Variants in RARB observed in about 807,000 individuals in gnomAD.
RARB encodes the protein HBV-activated protein.
RARB carries 17 observed loss-of-function variants against 51.9 expected under a neutral mutation model. That is an observed-to-expected ratio of 0.33 (90% confidence interval 0.22 to 0.49). The LOEUF is 0.49. Among genes scored for constraint, RARB ranks in the 20% least tolerant of loss-of-function variants. The pLI is 0.99. For missense variants in RARB, 369 were observed against 550.8 expected, an observed-to-expected ratio of 0.67 and a Z score of 3.30; for synonymous variants, 215 against 195.4, an observed-to-expected ratio of 1.10 and a Z score of -0.84.
At chr3:25,441,794 G>A (rs1708697646) in intron 1 of RARB, among the ~76,000 whole-genome samples, 1 of 151,970 alleles carries the variant, frequency 6.6e-6, no homozygotes, top group African/African-American at 2.4e-5. Context: ...TTGTTTTGTT[G>A]ACTGGGTCTT....
In RARB at chr3:25,300,923, G is replaced by C. The variant is rs544803579; in HGVS notation, c.178+126348G>C. Among the ~76,000 whole-genome samples the C allele has an allele frequency of 3.9e-5, 6 of 152,240 alleles. No individual in the cohort carries two copies. In the South Asian group the frequency reaches 1.2e-3, roughly 32 times the overall value. ...GATGCAGGAGAATTGCTTGAACCTG[G>C]GAAGCAGAGGTTGCAGTGAGCCAAG... is the stretch of plus-strand genomic sequence containing the variant. On this transcript the variant is annotated intron_variant, in intron 5 of 11. Coordinates refer to the RARB transcript ENST00000383772.
At chr3:24,928,116 A>C (rs185068537) in intron 2 of RARB, among the ~76,000 whole-genome samples, 45 of 152,156 alleles carry the variant, frequency 3.0e-4, no homozygotes, top group African/African-American at 1.0e-3. Context: ...AGCAAAATTC[A>C]CATGGTAGAA....
At position 24,889,052 on chromosome 3, in the gene RARB, G is replaced by A. The variant is rs144345686; in HGVS notation, c.-380+30300G>A. ...GAATTTTGCAAATAGAAGATGGGACGTTCTGCTGAGGGCAGGAAGTGAGAG... is the reference window on the plus strand; with the variant it reads ...GAATTTTGCAAATAGAAGATGGGACATTCTGCTGAGGGCAGGAAGTGAGAG... On this transcript the variant is annotated intron_variant, in intron 2 of 11. Coordinates refer to the RARB transcript ENST00000383772. Among the ~76,000 whole-genome samples the A allele has an allele frequency of 8.0e-3, 1,223 of 152,258 alleles. 11 individuals are homozygous for A. Among genetic ancestry groups the A allele is most frequent in the Middle Eastern group, 0.017 (5 of 294 alleles).
At chr3:25,275,953 A>G (rs1192787554) in intron 5 of RARB, among the ~76,000 whole-genome samples, 2 of 152,262 alleles carry the variant, frequency 1.3e-5, no homozygotes, top group African/African-American at 4.8e-5. Flanking sequence ...GTTCAGTTGA[A>G]GGAAATTATC....
intron 5 of RARB, among the ~76,000 whole-genome samples, chr3:25,275,998 G>C (rs958261145): frequency 3.3e-5 from 5 of 152,094 alleles, no homozygotes; most frequent in Non-Finnish European, 7.4e-5. Flanking sequence ...CCAAATACAG[G>C]GTTTACATGA....
chr3:25,282,420 T>A, intron 5 of RARB, among the ~76,000 whole-genome samples: 1 of 152,230 alleles, frequency 6.6e-6, no homozygotes, highest in Non-Finnish European at 1.5e-5. Context: ...TTAAAATTGT[T>A]ACCCACTCTC....
intron 3 of RARB, among the ~76,000 whole-genome samples, chr3:25,061,727 A>G (rs1698554281): frequency 6.6e-6 from 1 of 151,826 alleles, no homozygotes; most frequent in Admixed American, 6.6e-5. Flanking sequence ...TTTTGGAGAG[A>G]AAGGTGTTTT....
At chr3:25,057,327 A>T (rs960087736) in intron 2 of RARB, among the ~76,000 whole-genome samples, 1 of 151,954 alleles carries the variant, frequency 6.6e-6, no homozygotes, top group Non-Finnish European at 1.5e-5. Context: ...GGGACTTGTG[A>T]TTATCTCCAT....
intron 5 of RARB, among the ~76,000 whole-genome samples, chr3:25,587,901 C>G (rs1348431569): frequency 6.6e-6 from 1 of 152,188 alleles, no homozygotes; most frequent in Non-Finnish European, 1.5e-5. Context: ...CTGGGCAACC[C>G]CTTGATGCCT....
intron 2 of RARB, among the ~76,000 whole-genome samples, chr3:25,005,592 C>T (rs1273105353): frequency 6.6e-6 from 1 of 152,114 alleles, no homozygotes; most frequent in African/African-American, 2.4e-5. Flanking sequence ...AGATGGAAGC[C>T]ACAATATTGT....
At chr3:25,277,617 C>T (rs1486468253) in intron 5 of RARB, among the ~76,000 whole-genome samples, 1 of 152,098 alleles carries the variant, frequency 6.6e-6, no homozygotes, top group Non-Finnish European at 1.5e-5. Context: ...GTTGTGTGTC[C>T]TTCCTATATT....
chr3:25,533,978 C>T (rs909410167), intron 3 of RARB, among the ~76,000 whole-genome samples: 1 of 152,194 alleles, frequency 6.6e-6, no homozygotes, highest in Non-Finnish European at 1.5e-5. Context: ...CAGAGTTCTT[C>T]CTCAGAAGCA....
intron 5 of RARB, among the ~76,000 whole-genome samples, chr3:25,417,586 C>A (rs933929433): frequency 6.6e-6 from 1 of 152,198 alleles, no homozygotes; most frequent in African/African-American, 2.4e-5. Context: ...ATGTGCCTTT[C>A]ACCTTCCACC....
intron 4 of RARB, among the ~76,000 whole-genome samples, chr3:25,167,950 T>G (rs938011018): frequency 6.6e-6 from 1 of 152,340 alleles, no homozygotes; most frequent in African/African-American, 2.4e-5. Context: ...CCCATTAATC[T>G]GACATTTGGG....
intron 3 of RARB, among the ~76,000 whole-genome samples, chr3:25,099,530 C>T (rs1004600655): frequency 1.3e-4 from 20 of 151,218 alleles, no homozygotes; most frequent in African/African-American, 4.4e-4. Flanking sequence ...AATCAAATTA[C>T]ATCTTCTTAG....
intron 5 of RARB, among the ~76,000 whole-genome samples, chr3:25,184,043 T>G (rs1346983437): frequency 6.6e-6 from 1 of 152,124 alleles, no homozygotes; most frequent in Non-Finnish European, 1.5e-5. Flanking sequence ...ACTAAATCCT[T>G]CCCTGGTTAA....
intron 2 of RARB, among the ~76,000 whole-genome samples, chr3:24,914,750 C>G (rs1028148545): frequency 3.9e-5 from 6 of 152,106 alleles, no homozygotes; most frequent in Admixed American, 2.6e-4. Context: ...TCATATTTTT[C>G]AAATATTTTC....
chr3:25,081,622 T>TATATA (rs57232858), intron 3 of RARB, among the ~76,000 whole-genome samples: 1 of 8,198 alleles, frequency 1.2e-4, no homozygotes, highest in African/African-American at 5.1e-4. Flanking sequence ...TATATATATA[T>TATATA]TTTTTTTTTT....
intron 2 of RARB, among the ~76,000 whole-genome samples, chr3:24,910,110 A>G (rs1694959738): frequency 6.6e-6 from 1 of 152,146 alleles, no homozygotes; most frequent in Non-Finnish European, 1.5e-5. Context: ...TTTTTGGCAA[A>G]GGATTTGAAC....
Sources: gnomAD v4.1 joint callset for allele counts (sites outside exome capture counted in the v4.1 genomes callset) on GRCh38, gnomAD v4.1.1 for gene constraint, MANE v1.5 for transcripts, NCBI Gene and HGNC (gene_info 2026-07-23, HGNC 2026-07-21) for gene names.